The following SLC13A1 variants were observed in gnomAD, a reference collection of about 807,000 sequenced individuals.
SLC13A1 encodes solute carrier family 13 member 1.
In SLC13A1, 65 loss-of-function variants were observed where a neutral mutation model predicts 70.0. The observed-to-expected ratio is 0.93, with a 90% CI of 0.76 to 1.14. The LOEUF (loss-of-function observed/expected upper bound fraction) is 1.14, where lower values mean the gene tolerates loss of function less well. SLC13A1 is among the 50% of genes most tolerant of loss of function. The pLI is 0.00. For synonymous variants in SLC13A1, 275 were observed against 250.5 expected (o/e 1.10, Z -0.92); for missense variants, 726 against 717.8 (o/e 1.01, Z -0.13).
chr7:123,180,097 G>A (rs901699692), intron 2 of SLC13A1, among the ~76,000 whole-genome samples: 4 of 152,010 alleles, frequency 2.6e-5, no homozygotes, highest in South Asian at 2.1e-4. Flanking sequence ...TTAGGTGGGA[G>A]GGGAAAACCC....
chr7:123,185,039 A>G (rs1463400319), intron 1 of SLC13A1, among the ~76,000 whole-genome samples: 1 of 152,084 alleles, frequency 6.6e-6, no homozygotes, highest in Non-Finnish European at 1.5e-5. Flanking sequence ...CAGAAGAGTG[A>G]TGTCGAGCAT....
chr7:123,151,196 C>T (rs1007689838), intron 6 of SLC13A1, among the ~76,000 whole-genome samples: 6 of 151,916 alleles, frequency 3.9e-5, no homozygotes, highest in African/African-American at 1.4e-4. Context: ...TGGTTGCAGG[C>T]ACCTGTAATC....
At position 123,129,262 on chromosome 7, in the gene SLC13A1, C is replaced by A. The variant is rs1585299013; in HGVS notation, c.1031+121G>T. The A allele has an allele frequency of 1.1e-5, 9 of 854,014 alleles. No individual in the cohort carries two copies. In the East Asian group the frequency reaches 2.0e-4, roughly 19 times the overall value. 52.9% of individuals were successfully genotyped at this position (854,014 alleles called of 1,614,324 possible). A position where few individuals can be genotyped will look rare whatever the true frequency, so the allele number is the denominator to read the frequency against. On this transcript the variant is annotated intron_variant, in intron 9 of 14. Transcript: ENST00000194130. The stretch of plus-strand genomic sequence containing the variant: ...TCAAGTGTTATAAATACCTTGCAAG[C>A]AATTATGTGCTTGTTTGCTTTTCAA...
intron 7 of SLC13A1, among the ~76,000 whole-genome samples, chr7:123,144,234 G>A (rs973514143): frequency 4.6e-5 from 7 of 152,094 alleles, no homozygotes; most frequent in African/African-American, 2.4e-5. Context: ...AGAGGAAAGG[G>A]CAGGGATAGA....
At position 123,186,698 on chromosome 7, in the gene SLC13A1, C is replaced by G. The variant is rs1273655714; in HGVS notation, c.100-5597G>C. On this transcript the variant is annotated intron_variant, in intron 1 of 14. Coordinates refer to ENST00000194130, the MANE Select transcript of SLC13A1 (RefSeq NM_022444.4). ...ATCCTTCCTCCCCCACAACCTACCCCCAAGTCTGCTGGAAGTTGCTGATAC... is the reference window on the plus strand; with the variant it reads ...ATCCTTCCTCCCCCACAACCTACCCGCAAGTCTGCTGGAAGTTGCTGATAC... 2.2e-5 allele frequency: 10 copies of G among 454,396 alleles called. 1 individual carries two copies. The East Asian group carries it at 7.0e-4, about 32-fold the overall frequency. The allele number at this position is 454,396 out of a possible 1,614,324, so 28.1% of individuals were successfully genotyped here. A position where few individuals can be genotyped will look rare whatever the true frequency, so the allele number is the denominator to read the frequency against.
chr7:123,135,641 T>C (rs1391528716), intron 7 of SLC13A1, among the ~76,000 whole-genome samples: 1 of 152,174 alleles, frequency 6.6e-6, no homozygotes, highest in Non-Finnish European at 1.5e-5. Flanking sequence ...TATATCTATG[T>C]AGCAAATTTA....
chr7:123,159,407 A>G (rs901237315), intron 6 of SLC13A1, among the ~76,000 whole-genome samples: 1 of 152,200 alleles, frequency 6.6e-6, no homozygotes, highest in Admixed American at 6.6e-5. Context: ...CTGCATGTGC[A>G]CAGAGAAAAC....
At chr7:123,128,799 G>T in intron 10 of SLC13A1, 46 bp downstream of exon 10, 1 of 1,192,920 alleles carries the variant, frequency 8.4e-7, no homozygotes, top group Non-Finnish European at 1.2e-6. Flanking sequence ...GAGAGAAGCA[G>T]AGTATAAAAC....
intron 14 of SLC13A1, among the ~76,000 whole-genome samples, chr7:123,116,237 C>T (rs1793177232): frequency 6.6e-6 from 1 of 152,190 alleles, no homozygotes. Context: ...CATTATTCTA[C>T]AGTCCATTAA....
chr7:123,121,768 G>C (rs1436468911), intron 12 of SLC13A1, among the ~76,000 whole-genome samples: 2 of 152,104 alleles, frequency 1.3e-5, no homozygotes, highest in Non-Finnish European at 2.9e-5. Context: ...TCACTGTTCT[G>C]TTCCCAACTA....
chr7:123,177,413 A>C (rs568028939), intron 2 of SLC13A1, among the ~76,000 whole-genome samples: 1 of 152,120 alleles, frequency 6.6e-6, no homozygotes, highest in South Asian at 2.1e-4. Flanking sequence ...AGCCCAAATT[A>C]TCCTTTTTAA....
At chr7:123,125,835 C>T (rs28364209) in intron 10 of SLC13A1, among the ~76,000 whole-genome samples, 160 bp from the exon 11 acceptor site, 208 of 152,128 alleles carry the variant, frequency 1.4e-3, no homozygotes, top group Middle Eastern at 0.014. Context: ...TATGGATTCC[C>T]GATTAAATGA....
intron 1 of SLC13A1, among the ~76,000 whole-genome samples, chr7:123,192,956 C>T (rs1796048706): frequency 6.6e-6 from 1 of 151,638 alleles, no homozygotes; most frequent in South Asian, 2.1e-4. Flanking sequence ...TAGAGAAAAG[C>T]AATTGATGGC....
intron 8 of SLC13A1, 30 bp from the exon 9 acceptor site, chr7:123,129,511 G>A: frequency 6.4e-7 from 1 of 1,564,192 alleles, no homozygotes; most frequent in Non-Finnish European, 8.8e-7. Context: ...CTGTAAGCAA[G>A]AAATTCTTTT....
chr7:123,119,007 A>C (rs1351947668), intron 13 of SLC13A1, 74 bp downstream of exon 13: 5 of 1,361,242 alleles, frequency 3.7e-6, no homozygotes, highest in Non-Finnish European at 4.0e-6. Context: ...CCATACCACA[A>C]CATGAAAACC....
intron 8 of SLC13A1, 115 bp downstream of exon 8, chr7:123,134,295 C>T: frequency 1.1e-6 from 1 of 943,546 alleles, no homozygotes; most frequent in Non-Finnish European, 1.6e-6. Flanking sequence ...TTGTGAGCAA[C>T]AAAAATGCAG....
chr7:123,158,642 A>G (rs1361108009), intron 6 of SLC13A1, among the ~76,000 whole-genome samples: 1 of 151,826 alleles, frequency 6.6e-6, no homozygotes, highest in Non-Finnish European at 1.5e-5. Context: ...GTAAAATTCT[A>G]TCACACACAC....
At position 123,119,078 on chromosome 7, in the gene SLC13A1, C is replaced by T; in HGVS notation, c.1512+3G>A. Reference sequence around the variant, plus strand: ...GTAAAAAGGGGATAAATGAGATACTCACCAATGGAGATAATATTGGGAGAA... The same window carrying T: ...GTAAAAAGGGGATAAATGAGATACTTACCAATGGAGATAATATTGGGAGAA... On this transcript the variant is annotated splice_donor_region_variant and intron_variant, in intron 13 of 14. Transcript: ENST00000194130. 2.5e-6 allele frequency: 4 copies of T among 1,610,326 alleles called. No homozygotes were observed. The South Asian group carries it at 3.3e-5, about 13-fold the overall frequency.
At chr7:123,130,236 A>G (rs189898067) in intron 8 of SLC13A1, among the ~76,000 whole-genome samples, 75 of 152,310 alleles carry the variant, frequency 4.9e-4, no homozygotes, top group African/African-American at 1.7e-3. Flanking sequence ...AGGAATATAA[A>G]TCATTCTGTT....
Sources: gnomAD v4.1 joint callset for allele counts (sites outside exome capture counted in the v4.1 genomes callset) on GRCh38, gnomAD v4.1.1 for gene constraint, MANE v1.5 for transcripts, NCBI Gene and HGNC (gene_info 2026-07-23, HGNC 2026-07-21) for gene names.